SGCZ: variants seen among roughly 807,000 people sequenced by gnomAD.
SGCZ encodes the protein zeta-sarcoglycan.
SGCZ carries 40 observed loss-of-function variants against 41.3 expected under a neutral mutation model. That is an observed-to-expected ratio of 0.97 (90% CI 0.75 to 1.26). SGCZ has a LOEUF of 1.26. SGCZ is among the 50% of genes most tolerant of loss of function. The pLI is 0.00. For synonymous variants in SGCZ, 206 were observed against 137.5 expected, an observed-to-expected ratio of 1.50 and a Z score of -3.49; for missense variants, 552 against 369.8, an observed-to-expected ratio of 1.49 and a Z score of -4.04.
At chr8:14,688,570 C>A (rs906721617) in intron 1 of SGCZ, among the ~76,000 whole-genome samples, 10 of 152,086 alleles carry the variant, frequency 6.6e-5, no homozygotes, top group African/African-American at 2.4e-4. Flanking sequence ...GTTTTGGTAC[C>A]AGTACCATGC....
At chr8:15,189,261 G>A (rs1800451154) in intron 1 of SGCZ, among the ~76,000 whole-genome samples, 1 of 152,152 alleles carries the variant, frequency 6.6e-6, no homozygotes, top group African/African-American at 2.4e-5. Flanking sequence ...AGAACTAAGA[G>A]CAAAGAGTTT....
chr8:14,543,182 T>C (rs1474212879), intron 2 of SGCZ, among the ~76,000 whole-genome samples: 2 of 152,076 alleles, frequency 1.3e-5, no homozygotes, highest in Non-Finnish European at 2.9e-5. Context: ...AATAAAACTA[T>C]GTAAGTACTT....
Position 15,152,515 on chromosome 8 carries a change from A to G in SGCZ, c.39+85070T>C, listed in dbSNP as rs150424113. ...CAGGTCCTTGCAAGCTCCAAACTAC[A>G]GATGTCAAAACAGGTGGAGGCAACT... is the stretch of plus-strand genomic sequence containing the variant. On this transcript the variant is annotated intron_variant, in intron 1 of 7. Coordinates refer to ENST00000382080, the MANE Select transcript of SGCZ (RefSeq NM_139167.4). Among the ~76,000 whole-genome samples the G allele has an allele frequency of 4.2e-4, 64 of 152,366 alleles. No homozygotes were observed. The East Asian group carries it at 8.1e-3, about 19-fold the overall frequency.
intron 1 of SGCZ, among the ~76,000 whole-genome samples, chr8:14,923,308 AT>A (rs1170356376): frequency 6.6e-6 from 1 of 152,098 alleles, no homozygotes; most frequent in Non-Finnish European, 1.5e-5. Context: ...TAAGATGGAA[AT>A]TTTTTCCATT....
At chr8:14,942,587 T>C (rs1236965065) in intron 1 of SGCZ, among the ~76,000 whole-genome samples, 1 of 152,146 alleles carries the variant, frequency 6.6e-6, no homozygotes, top group Non-Finnish European at 1.5e-5. Context: ...AGACTGTTCA[T>C]TGGAAAAAAA....
chr8:14,892,214 A>G (rs2726608), intron 1 of SGCZ, among the ~76,000 whole-genome samples: 30,316 of 152,106 alleles, frequency 0.2, 3,342 homozygotes, highest in Admixed American at 0.29. Flanking sequence ...ATTAGGCCCA[A>G]TTACCAAACA....
chr8:14,866,819 G>C (rs1228011041), intron 1 of SGCZ, among the ~76,000 whole-genome samples: 2 of 152,002 alleles, frequency 1.3e-5, no homozygotes, highest in Non-Finnish European at 2.9e-5. Context: ...GAAAAAAAAG[G>C]TTTGGAGTTT....
chr8:15,016,458 G>A (rs1281003295), intron 1 of SGCZ, among the ~76,000 whole-genome samples: 1 of 152,148 alleles, frequency 6.6e-6, no homozygotes, highest in East Asian at 1.9e-4. Flanking sequence ...TCTCTTGGCA[G>A]GATCCCAATA....
At chr8:14,681,636 A>C (rs189137650) in intron 1 of SGCZ, among the ~76,000 whole-genome samples, 16 of 152,314 alleles carry the variant, frequency 1.1e-4, no homozygotes, top group African/African-American at 3.8e-4. Context: ...CATAATCCTA[A>C]AATGAGATTA....
At chr8:14,344,815 C>T (rs1054786491) in intron 2 of SGCZ, among the ~76,000 whole-genome samples, 2 of 151,398 alleles carry the variant, frequency 1.3e-5, no homozygotes, top group Admixed American at 1.3e-4. Context: ...CAACATAAAC[C>T]CATCAAAATT....
At chr8:14,782,920 T>C (rs1357550252) in intron 1 of SGCZ, among the ~76,000 whole-genome samples, 4 of 152,158 alleles carry the variant, frequency 2.6e-5, no homozygotes, top group Non-Finnish European at 5.9e-5. Flanking sequence ...TGCTGAATCT[T>C]TTTTTTATTA....
Position 14,551,542 on chromosome 8 carries a change from AATATATATAATATATATT to A in SGCZ, c.234+3172_234+3189del, listed in dbSNP as rs1803844834. ...TATATATAATATATATAATATATAT[AATATATATAATATATATT>A]ATATATATAATATATATATAATATA... On this transcript the variant is annotated intron_variant, in intron 2 of 7. Transcript: ENST00000382080. Among the ~76,000 whole-genome samples the A allele has an allele frequency of 3.3e-3, 23 of 7,070 alleles. 3 individuals are homozygous for A. The highest frequency in any genetic ancestry group is 0.011 in the East Asian group (2 of 176). The allele number at this position is 7,070 out of a possible 152,430, so 4.6% of individuals were successfully genotyped here. A position where few individuals can be genotyped will look rare whatever the true frequency, so the allele number is the denominator to read the frequency against.
At chr8:14,551,598 T>TATATATAATATATATA (rs1563405028) in intron 2 of SGCZ, among the ~76,000 whole-genome samples, 1 of 26,632 alleles carries the variant, frequency 3.8e-5, no homozygotes, top group African/African-American at 1.8e-4. Flanking sequence ...TAATATATAT[T>TATATATAATATATATA]ATATATATTA....
At chr8:15,204,995 A>G (rs1215874428) in intron 1 of SGCZ, among the ~76,000 whole-genome samples, 1 of 152,232 alleles carries the variant, frequency 6.6e-6, no homozygotes, top group African/African-American at 2.4e-5. Flanking sequence ...AAATAAGCAC[A>G]TCTACAGTAA....
intron 1 of SGCZ, among the ~76,000 whole-genome samples, chr8:14,809,045 A>C (rs1159405887): frequency 6.7e-6 from 1 of 149,778 alleles, no homozygotes; most frequent in East Asian, 2.0e-4. Flanking sequence ...TCAAATGGAC[A>C]CAGGAAGGGG....
chr8:14,991,437 C>T (rs1390294955), intron 1 of SGCZ, among the ~76,000 whole-genome samples: 1 of 152,092 alleles, frequency 6.6e-6, no homozygotes, highest in Non-Finnish European at 1.5e-5. Flanking sequence ...GTTTGAGATG[C>T]CCAGGATAAA....
At chr8:14,393,137 T>C (rs1336886702) in intron 2 of SGCZ, among the ~76,000 whole-genome samples, 1 of 152,180 alleles carries the variant, frequency 6.6e-6, no homozygotes, top group Non-Finnish European at 1.5e-5. Flanking sequence ...CCAATATGCT[T>C]GTCTGATACG....
chr8:14,398,592 G>T (rs970244113), intron 2 of SGCZ, among the ~76,000 whole-genome samples: 1 of 152,046 alleles, frequency 6.6e-6, no homozygotes, highest in Non-Finnish European at 1.5e-5. Context: ...AGTTGCCTTG[G>T]GGAGTGCTCT....
At chr8:14,925,186 G>C (rs898424406) in intron 1 of SGCZ, among the ~76,000 whole-genome samples, 9 of 152,100 alleles carry the variant, frequency 5.9e-5, no homozygotes, top group Non-Finnish European at 1.0e-4. Flanking sequence ...CAGCAGTTAA[G>C]TTTAAAAGTC....
Sources: gnomAD v4.1 joint callset for allele counts (sites outside exome capture counted in the v4.1 genomes callset) on GRCh38, gnomAD v4.1.1 for gene constraint, MANE v1.5 for transcripts, NCBI Gene and HGNC (gene_info 2026-07-23, HGNC 2026-07-21) for gene names.